Variants in EDDM13 observed in about 807,000 individuals in gnomAD.
EDDM13 encodes epididymal protein 13.
EDDM13 carries 24 observed loss-of-function variants against 17.8 expected under a neutral mutation model. That is an observed-to-expected ratio of 1.35 (90% CI 0.98 to 1.90). EDDM13 has a LOEUF of 1.90. Among genes scored for constraint, EDDM13 ranks in the 40% most tolerant of loss-of-function variants. The pLI, the probability that EDDM13 is intolerant of heterozygous loss-of-function variation, is 0.00. For missense variants in EDDM13, 97 were observed against 100.8 expected (o/e 0.96, Z 0.16); for synonymous variants, 31 against 37.5 (o/e 0.83, Z 0.63).
chr19:56,302,505 CCTT>C lies in EDDM13; in HGVS notation c.423+414_423+416del, dbSNP rs775679246. On this transcript the variant is annotated intron_variant, in intron 13 of 14. Transcript: ENST00000649256. ...CTTCCCATCCTTCTTCCCTCTCTGC[CCTT>C]CTTTCCTTCCTCCCTCCCTCCCTCT... Among the ~76,000 whole-genome samples the C allele has an allele frequency of 5.8e-3, 323 of 55,452 alleles. 2 individuals carry two copies. Among genetic ancestry groups the C allele is most frequent in the Non-Finnish European group, 8.4e-3 (207 of 24,650 alleles). 36.4% of individuals were successfully genotyped at this position (55,452 alleles called of 152,430 possible).
intron 9 of EDDM13, among the ~76,000 whole-genome samples, chr19:56,292,514 C>T (rs56294212): frequency 0.17 from 24,885 of 150,326 alleles, 2,057 homozygotes; most frequent in Middle Eastern, 0.33. Context: ...TCTTCAATTC[C>T]GGGGCTCAAG....
intron 2 of EDDM13, among the ~76,000 whole-genome samples, chr19:56,277,976 T>C (rs1046813708): frequency 1.3e-5 from 2 of 152,098 alleles, no homozygotes; most frequent in East Asian, 1.9e-4. Flanking sequence ...GTGAAATGGC[T>C]GTTTCCAAAC....
intron 6 of EDDM13, among the ~76,000 whole-genome samples, chr19:56,286,170 C>A (rs1471264195): frequency 6.6e-6 from 1 of 151,992 alleles, no homozygotes; most frequent in Non-Finnish European, 1.5e-5. Flanking sequence ...TACAGGCGCC[C>A]ACCACCATGC....
rs1174970099 is a variant in EDDM13, at chr19:56,289,659, G to C, written c.226+768G>C. ...GATGGGTTCTCACTTTGTTGCCCAG[G>C]TTGGAGTGCAGTAGTGCAATCATAG... On this transcript the variant is annotated intron_variant, in intron 8 of 14. Coordinates refer to ENST00000649256, the MANE Select transcript of EDDM13 (RefSeq NM_001354658.2). Among the ~76,000 whole-genome samples, 3 of 152,146 alleles carry C rather than the reference G, an allele frequency of 2.0e-5. No individual in the cohort carries two copies. The East Asian group carries it at 5.8e-4, about 29-fold the overall frequency.
At chr19:56,274,543 G>C (rs1402422090) in intron 1 of EDDM13, 1 of 151,690 alleles carries the variant, frequency 6.6e-6, no homozygotes, top group Non-Finnish European at 1.5e-5. Context: ...TTGAGGAAAA[G>C]TCACAAAAAT....
intron 12 of EDDM13, chr19:56,297,980 C>T (rs2039986415): frequency 6.6e-6 from 1 of 150,452 alleles, no homozygotes; most frequent in Admixed American, 6.7e-5. Context: ...GAGGCTGAGG[C>T]AGGAGGATTA....
chr19:56,302,439 C>T (rs565568786), intron 13 of EDDM13, among the ~76,000 whole-genome samples: 86 of 130,696 alleles, frequency 6.6e-4, no homozygotes, highest in Middle Eastern at 3.9e-3. Flanking sequence ...TCCCTTCCTT[C>T]CTTTCTTCCT....
intron 1 of EDDM13, among the ~76,000 whole-genome samples, chr19:56,273,657 C>T (rs1030876092): frequency 1.3e-5 from 2 of 152,014 alleles, no homozygotes; most frequent in Non-Finnish European, 2.9e-5. Context: ...CACTGAGTCC[C>T]TCCATCAGAG....
intron 14 of EDDM13, among the ~76,000 whole-genome samples, chr19:56,307,311 C>T (rs567525852): frequency 6.6e-6 from 1 of 152,314 alleles, no homozygotes; most frequent in Admixed American, 6.5e-5. Context: ...ACCCCCACCC[C>T]CTGCTGCAGT....
chr19:56,286,172 C>T (rs2039105321), intron 6 of EDDM13, among the ~76,000 whole-genome samples: 2 of 152,006 alleles, frequency 1.3e-5, no homozygotes, highest in Admixed American at 6.5e-5. Flanking sequence ...CAGGCGCCCA[C>T]CACCATGCTC....
intron 1 of EDDM13, 29 bp downstream of exon 1, chr19:56,272,948 T>C: frequency 1.0e-6 from 1 of 953,228 alleles, no homozygotes; most frequent in Non-Finnish European, 1.2e-6. Context: ...CCTTGTGTCC[T>C]CTATGTATTT....
At chr19:56,274,180 G>A (rs993216541) in intron 1 of EDDM13, among the ~76,000 whole-genome samples, 16 of 152,052 alleles carry the variant, frequency 1.1e-4, no homozygotes, top group Non-Finnish European at 1.6e-4. Flanking sequence ...GAGGTCGGGC[G>A]CGGTGGCTCA....
intron 12 of EDDM13, among the ~76,000 whole-genome samples, chr19:56,301,630 A>G (rs574519919): frequency 8.4e-4 from 128 of 152,286 alleles, no homozygotes; most frequent in Non-Finnish European, 1.4e-3. Flanking sequence ...AGTAGGGCTC[A>G]GCCTCATTTT....
chr19:56,283,856 G>A (rs1222222803), intron 4 of EDDM13: 2 of 152,192 alleles, frequency 1.3e-5, no homozygotes, highest in East Asian at 1.9e-4. Context: ...CCTCTTTCTA[G>A]AGGCAATAAA....
At chr19:56,286,321 A>G (rs890480883) in intron 6 of EDDM13, 7 of 151,944 alleles carry the variant, frequency 4.6e-5, no homozygotes, top group Non-Finnish European at 1.0e-4. Flanking sequence ...ACCTGACCCA[A>G]ACTTTTTATT....
chr19:56,298,883 G>A (rs978152477), intron 12 of EDDM13, among the ~76,000 whole-genome samples: 2 of 152,160 alleles, frequency 1.3e-5, no homozygotes, highest in East Asian at 3.9e-4. Flanking sequence ...TGACAAATAC[G>A]ACAAAGGAAA....
intron 13 of EDDM13, 53 bp from the exon 14 acceptor site, chr19:56,304,740 G>A (rs1313800892): frequency 2.7e-5 from 26 of 976,910 alleles, no homozygotes; most frequent in Non-Finnish European, 3.2e-5. Context: ...GAATTCACTC[G>A]CCTCACCCCA....
chr19:56,282,460 C>T (rs1054782202), intron 3 of EDDM13, 31 bp from the exon 4 acceptor site: 38 of 984,926 alleles, frequency 3.9e-5, no homozygotes, highest in Non-Finnish European at 4.6e-5. Flanking sequence ...TACCATCGGT[C>T]CTGTCCTTCC....
chr19:56,309,791 A>G (rs1020851963), intron 14 of EDDM13, among the ~76,000 whole-genome samples: 2 of 152,156 alleles, frequency 1.3e-5, no homozygotes, highest in African/African-American at 4.8e-5. Flanking sequence ...CGGGACAGTG[A>G]GGAACTGGAG....
Sources: allele counts gnomAD v4.1 joint callset (sites outside exome capture counted in the v4.1 genomes callset), GRCh38; gene constraint gnomAD v4.1.1; transcripts MANE v1.5; gene names NCBI Gene and HGNC (gene_info 2026-07-23, HGNC 2026-07-21).